Variants in BRSK1 observed in about 807,000 individuals in gnomAD.
The protein encoded by BRSK1 is BR serine/threonine kinase 1, also known as serine/threonine-protein kinase BRSK1.
BRSK1 carries 17 observed loss-of-function variants against 86.2 expected under a neutral mutation model. The ratio of observed to expected loss-of-function variants is 0.20; its 90% confidence interval spans 0.14 to 0.30. The LOEUF (loss-of-function observed/expected upper bound fraction) is 0.30, where lower values mean the gene tolerates loss of function less well. Ranked by LOEUF, BRSK1 falls within the 10% of genes least tolerant of loss-of-function variation. BRSK1 has a pLI of 1.00. For missense variants in BRSK1, 719 were observed against 1,071.9 expected (o/e 0.67, Z 4.60); for synonymous variants, 464 against 440.1 (o/e 1.05, Z -0.68).
At chr19:55,289,096 T>A (rs1356821339) in intron 3 of BRSK1, among the ~76,000 whole-genome samples, 1 of 152,168 alleles carries the variant, frequency 6.6e-6, no homozygotes, top group Non-Finnish European at 1.5e-5. Flanking sequence ...CTATAAGAAT[T>A]GGGGTCTTTG....
Position 55,303,887 on chromosome 19 carries a change from T to G in BRSK1, c.1286+61T>G. 3 of 1,530,270 alleles carry G rather than the reference T, an allele frequency of 2.0e-6. No individual in the cohort carries two copies. Among genetic ancestry groups the G allele is most frequent in the Non-Finnish European group, 2.6e-6 (3 of 1,139,158 alleles). 94.8% of individuals were successfully genotyped at this position (1,530,270 alleles called of 1,614,324 possible). A position where few individuals can be genotyped will look rare whatever the true frequency, so the allele number is the denominator to read the frequency against. On this transcript the variant is annotated intron_variant, in intron 12 of 18. Coordinates refer to ENST00000309383, the MANE Select transcript of BRSK1 (RefSeq NM_032430.2). This position sits in a 1 kb window ranked among gnomAD's most constrained non-coding sequence, Gnocchi z 5.1. ...CCCTGGGTCTAGGAGTTCAAGATTC[T>G]AACCCCAGCTCTACCTCAAATGTGC...
In BRSK1 at chr19:55,312,065, C is replaced by A. The variant is rs1002773780; in HGVS notation, c.2334C>A (p.Pro778=). The A allele has an allele frequency of 7.0e-7, 1 of 1,433,572 alleles. No individual in the cohort carries two copies. Among genetic ancestry groups the A allele is most frequent in the Non-Finnish European group, 9.2e-7 (1 of 1,091,752 alleles). The allele number at this position is 1,433,572 out of a possible 1,614,324, so 88.8% of individuals were successfully genotyped here. A position where few individuals can be genotyped will look rare whatever the true frequency, so the allele number is the denominator to read the frequency against. ...TGGCCACCAACGGGACCCCTCTGCC[C>A]TGACCCCACGGGGCCGGGGAGGGAG... The part of the protein sequence containing the change: ...KLLATNGTPL[P] Residue 778 remains proline (P), a synonymous_variant, in exon 19 of 19, where the codon CCC becomes CCA. Transcript: ENST00000309383.
rs186521036 is a variant in BRSK1 at position 55,295,258 on chromosome 19, G to A, written c.678+861G>A. 6.9e-3 allele frequency among the ~76,000 whole-genome samples: 1,043 copies of A among 152,198 alleles called. 7 individuals carry two copies. Among genetic ancestry groups the A allele is most frequent in the African/African-American group, 0.023 (943 of 41,502 alleles). ...CCGCCTCAGCCTCCCGAGCAGCTGG[G>A]ATTATAGGCTCTTGCCAACACGCCC... is the stretch of plus-strand genomic sequence containing the variant. On this transcript the variant is annotated intron_variant, in intron 7 of 18. Coordinates refer to ENST00000309383, the MANE Select transcript of BRSK1 (RefSeq NM_032430.2).
chr19:55,306,516 T>C lies in BRSK1; in HGVS notation c.2089+66T>C. 1 of 1,566,728 alleles carries C rather than the reference T, an allele frequency of 6.4e-7. No homozygotes were observed. The highest frequency in any genetic ancestry group is 1.3e-5 in the African/African-American group (1 of 74,354). Reference sequence around the variant, plus strand: ...ACTGTTCACGACAGCTGAGACAGTGTAGGGGCCCAGGAGTGCAGCAGCAGG... The same window carrying C: ...ACTGTTCACGACAGCTGAGACAGTGCAGGGGCCCAGGAGTGCAGCAGCAGG... On this transcript the variant is annotated intron_variant, in intron 17 of 18. Coordinates refer to ENST00000309383, the MANE Select transcript of BRSK1 (RefSeq NM_032430.2). This position sits in a 1 kb window ranked among gnomAD's most constrained non-coding sequence, Gnocchi z 4.7.
At chr19:55,290,799 G>A (rs988689411) in intron 4 of BRSK1, among the ~76,000 whole-genome samples, 4 of 151,978 alleles carry the variant, frequency 2.6e-5, no homozygotes, top group South Asian at 2.1e-4. Context: ...CCGCCACCAC[G>A]CCCGGCTAAT....
intron 8 of BRSK1, 176 bp from the exon 9 acceptor site, chr19:55,301,961 G>A (rs1232027651): frequency 2.3e-6 from 2 of 872,046 alleles, no homozygotes; most frequent in Admixed American, 3.5e-5. Context: ...GAGACCGCGC[G>A]TGCGCGGGGC....
chr19:55,304,588 G>A lies in BRSK1; in HGVS notation c.1385G>A (p.Gly462Glu). 1 of 1,586,230 alleles carries A rather than the reference G, an allele frequency of 6.3e-7. No individual in the cohort carries two copies. The highest frequency in any genetic ancestry group is 8.6e-7 in the Non-Finnish European group (1 of 1,167,960). Residue 462 changes from glycine (G) to glutamate (E), a missense_variant, in exon 14 of 19, where the codon GGA (glycine) becomes GAA (glutamate). Around this residue, in one of 6 missense-constraint regions of BRSK1, gnomAD observed 143 missense variants for 120.1 expected, o/e 1.19. Transcript: ENST00000309383. This position sits in a 1 kb window ranked among gnomAD's most constrained non-coding sequence, Gnocchi z 5.2. ...VFSFSPEPGA[G>E]DEARGGGSPT... The stretch of plus-strand genomic sequence containing the variant: ...TCCTTTTCACCGGAGCCGGGGGCTG[G>A]AGATGAGGCTCGAGGCGGGGGCTCC...
chr19:55,289,666 C>G, intron 4 of BRSK1, 46 bp downstream of exon 4: 1 of 1,601,770 alleles, frequency 6.2e-7, no homozygotes, highest in East Asian at 2.2e-5. Context: ...GGCTGCCCAG[C>G]AGACAGGCCC....
Position 55,294,434 on chromosome 19 carries a change from A to C in BRSK1, c.678+37A>C. On this transcript the variant is annotated intron_variant, in intron 7 of 18. Coordinates refer to ENST00000309383, the MANE Select transcript of BRSK1 (RefSeq NM_032430.2). The surrounding 1 kb of genome is among the most constrained non-coding windows in gnomAD (Gnocchi z 4.9). ...TCACCTCTCCTGTCATTTCTAGATC[A>C]ATCCCACCTGGTGGGAGCATAGGAC... is the stretch of plus-strand genomic sequence containing the variant. The C allele has an allele frequency of 1.2e-6, 2 of 1,609,228 alleles. No homozygotes were observed. Among genetic ancestry groups the C allele is most frequent in the Non-Finnish European group, 1.7e-6 (2 of 1,177,418 alleles).
In BRSK1 at chr19:55,305,464, C is replaced by T. The variant is rs765814189; in HGVS notation, c.1768C>T (p.Leu590=). The T allele has an allele frequency of 6.2e-7, 1 of 1,614,180 alleles. No individual in the cohort carries two copies. The highest frequency in any genetic ancestry group is 8.5e-7 in the Non-Finnish European group (1 of 1,180,006). The part of the protein sequence containing the change: ...SSLTPESSPE[L]AKRSWFGNFI... ...CTCCAACCACCCCCTCCCACTCAGG[C>T]TGGCAAAACGCTCCTGGTTCGGGAA... Residue 590 remains leucine, a splice_region_variant and synonymous_variant, in exon 16 of 19, where the codon CTG becomes TTG. Coordinates refer to ENST00000309383, the MANE Select transcript of BRSK1 (RefSeq NM_032430.2).
chr19:55,284,676 C>G (rs2088281765), intron 1 of BRSK1, 98 bp downstream of exon 1: 11 of 1,075,000 alleles, frequency 1.0e-5, no homozygotes, highest in Non-Finnish European at 1.3e-5. Context: ...GCTGGCTGCC[C>G]AGACCCCTGG....
intron 7 of BRSK1, among the ~76,000 whole-genome samples, chr19:55,298,971 C>T (rs574858926): frequency 4.6e-5 from 7 of 152,216 alleles, no homozygotes; most frequent in Non-Finnish European, 1.0e-4. Context: ...CGGTGGCTCA[C>T]GCCTGTAATC....
chr19:55,285,576 T>A (rs758949785), intron 1 of BRSK1, among the ~76,000 whole-genome samples: 6 of 152,116 alleles, frequency 3.9e-5, no homozygotes, highest in Non-Finnish European at 7.4e-5. Context: ...ATTCTCCCCT[T>A]CTCTGGCATG....
chr19:55,284,167 G>A lies in BRSK1; in HGVS notation c.-276G>A, dbSNP rs2088272975. 2 of 1,055,652 alleles carry A rather than the reference G, an allele frequency of 1.9e-6. No individual in the cohort carries two copies. The highest frequency in any genetic ancestry group is 1.6e-5 in the African/African-American group (1 of 60,646). 65.4% of individuals were successfully genotyped at this position (1,055,652 alleles called of 1,614,324 possible). ...CGGCGGGGGGAGGCGCAGGAAGCGG[G>A]GGGCCGGCCAGAAACGGGCTGGGGA... On this transcript the variant is annotated 5_prime_UTR_variant, in exon 1 of 19. Coordinates refer to ENST00000309383, the MANE Select transcript of BRSK1 (RefSeq NM_032430.2).
Position 55,306,188 on chromosome 19 carries a change from C to T in BRSK1, c.1891-64C>T. 1 of 1,551,766 alleles carries T rather than the reference C, an allele frequency of 6.4e-7. No homozygotes were observed. The highest frequency in any genetic ancestry group is 1.1e-5 in the South Asian group (1 of 87,492). On this transcript the variant is annotated intron_variant, in intron 16 of 18. Transcript: ENST00000309383. This position sits in a 1 kb window ranked among gnomAD's most constrained non-coding sequence, Gnocchi z 4.7. ...GGGACTCGTAGTTCCTTGGCCAGAG[C>T]TGGTCGTGGGGCTGGGTATCCATTT...
intron 17 of BRSK1, among the ~76,000 whole-genome samples, chr19:55,308,132 T>C (rs1055957753): frequency 6.6e-6 from 1 of 151,578 alleles, no homozygotes; most frequent in Non-Finnish European, 1.5e-5. Context: ...GAGATTCTCT[T>C]GTCTTAGCCT....
intron 7 of BRSK1, among the ~76,000 whole-genome samples, chr19:55,301,098 C>T (rs775482714): frequency 3.3e-5 from 5 of 152,260 alleles, no homozygotes; most frequent in African/African-American, 4.8e-5. Flanking sequence ...CCCATTGCAC[C>T]TCCTGGGAGA....
Position 55,303,196 on chromosome 19 carries a change from G to C in BRSK1, c.1029-115G>C. 1.2e-6 allele frequency: 1 copy of C among 836,698 alleles called. No individual in the cohort carries two copies. Among genetic ancestry groups the C allele is most frequent in the South Asian group, 1.6e-5 (1 of 63,664 alleles). 51.8% of individuals were successfully genotyped at this position (836,698 alleles called of 1,614,324 possible). ...GAGAAACTGACCATACTGATACCTA[G>C]AAAAAATGGAACCATGGGCAGAAAT... On this transcript the variant is annotated intron_variant, in intron 10 of 18. Transcript: ENST00000309383. This position sits in a 1 kb window ranked among gnomAD's most constrained non-coding sequence, Gnocchi z 5.1.
chr19:55,301,932 G>A (rs2088575970), intron 8 of BRSK1: 4 of 796,628 alleles, frequency 5.0e-6, no homozygotes, highest in Non-Finnish European at 8.5e-6. Flanking sequence ...AAAGTAATGC[G>A]GCCGGTCCGG....
Sources: allele counts gnomAD v4.1 joint callset (sites outside exome capture counted in the v4.1 genomes callset), GRCh38; gene constraint gnomAD v4.1.1; regional missense constraint gnomAD v4.1.1; non-coding constraint Gnocchi (gnomAD v3.1); transcripts MANE v1.5; gene names NCBI Gene and HGNC (gene_info 2026-07-23, HGNC 2026-07-21).